The following TAFA1 variants were observed in gnomAD, a reference collection of about 807,000 sequenced individuals.
The protein encoded by TAFA1 is chemokine-like protein TAFA-1.
Under a neutral mutation model 18.5 loss-of-function variants are expected in TAFA1, and 4 were observed. The ratio of observed to expected loss-of-function variants is 0.22; its 90% CI spans 0.11 to 0.49. The LOEUF (loss-of-function observed/expected upper bound fraction) is 0.49, where lower values mean the gene tolerates loss of function less well. Among genes scored for constraint, TAFA1 ranks in the 20% least tolerant of loss-of-function variants. The pLI, the probability that TAFA1 is intolerant of heterozygous loss-of-function variation, is 0.98. For missense variants in TAFA1, 147 were observed against 169.0 expected (o/e 0.87, Z 0.72); for synonymous variants, 56 against 55.2 (o/e 1.01, Z -0.06).
At chr3:68,012,758 T>C (rs1025209727) in intron 2 of TAFA1, among the ~76,000 whole-genome samples, 1 of 152,006 alleles carries the variant, frequency 6.6e-6, no homozygotes, top group Non-Finnish European at 1.5e-5. Flanking sequence ...ACGTTTCCAG[T>C]TTAAGAAAAA....
chr3:68,223,485 T>C (rs1209208162), intron 2 of TAFA1, among the ~76,000 whole-genome samples: 3 of 152,138 alleles, frequency 2.0e-5, no homozygotes. Flanking sequence ...TGTGTGTATA[T>C]ATGTATGTAT....
At chr3:68,438,431 T>A (rs1382769794) in intron 3 of TAFA1, among the ~76,000 whole-genome samples, 1 of 152,152 alleles carries the variant, frequency 6.6e-6, no homozygotes, top group Non-Finnish European at 1.5e-5. Context: ...CCAGTTGTGG[T>A]TGGGCCCCCA....
At chr3:68,008,141 C>G (rs1575570790) in intron 2 of TAFA1, among the ~76,000 whole-genome samples, 1 of 152,224 alleles carries the variant, frequency 6.6e-6, no homozygotes, top group Non-Finnish European at 1.5e-5. Context: ...GCGCTGGTGC[C>G]CCTGCAGGTG....
chr3:68,168,281 G>A (rs1352690493), intron 2 of TAFA1, among the ~76,000 whole-genome samples: 1 of 152,090 alleles, frequency 6.6e-6, no homozygotes, highest in Admixed American at 6.6e-5. Flanking sequence ...ATGAATAAAT[G>A]TGTCTCTATG....
intron 2 of TAFA1, among the ~76,000 whole-genome samples, chr3:68,231,796 G>A (rs1292076052): frequency 6.6e-6 from 1 of 152,124 alleles, no homozygotes; most frequent in African/African-American, 2.4e-5. Flanking sequence ...CAGCTTTAGG[G>A]CCTTTCCATC....
chr3:68,477,152 A>G (rs2072114751), intron 3 of TAFA1, among the ~76,000 whole-genome samples: 1 of 152,000 alleles, frequency 6.6e-6, no homozygotes, highest in South Asian at 2.1e-4. Flanking sequence ...TAAATTATAC[A>G]ACACAATTAT....
chr3:68,320,733 T>G (rs1575775032), intron 2 of TAFA1, among the ~76,000 whole-genome samples: 1 of 152,200 alleles, frequency 6.6e-6, no homozygotes, highest in East Asian at 1.9e-4. Context: ...AAAACCATGT[T>G]CCAAAGATTC....
intron 2 of TAFA1, among the ~76,000 whole-genome samples, chr3:68,370,441 CAT>C (rs2069671564): frequency 1.9e-4 from 10 of 51,912 alleles, no homozygotes; most frequent in African/African-American, 7.7e-4. Context: ...CATATATATA[CAT>C]ATGTATATAT....
intron 3 of TAFA1, among the ~76,000 whole-genome samples, chr3:68,513,804 T>C (rs192508976): frequency 6.6e-6 from 1 of 152,358 alleles, no homozygotes; most frequent in Admixed American, 6.5e-5. Context: ...GCTGATAGTT[T>C]TGACTACCAT....
intron 4 of TAFA1, 28 bp downstream of exon 4, chr3:68,538,908 T>C (rs2073319849): frequency 6.2e-7 from 1 of 1,611,508 alleles, no homozygotes; most frequent in Non-Finnish European, 8.5e-7. Context: ...AAATGTATTT[T>C]GGATGTTACA....
intron 2 of TAFA1, among the ~76,000 whole-genome samples, chr3:68,043,045 C>T (rs752905414): frequency 1.1e-4 from 16 of 152,140 alleles, no homozygotes; most frequent in African/African-American, 2.9e-4. Flanking sequence ...CCACCATGCT[C>T]GGCTAATTTT....
chr3:67,996,802 A>C, the TAFA1 span, among the ~76,000 whole-genome samples: 2 of 47,044 alleles, frequency 4.3e-5, no homozygotes, highest in African/African-American at 1.4e-4. Context: ...TCAAAAAAAC[A>C]AAAATAAGAA....
intron 2 of TAFA1, among the ~76,000 whole-genome samples, chr3:68,222,732 C>G (rs889300927): frequency 6.6e-6 from 1 of 151,696 alleles, no homozygotes; most frequent in African/African-American, 2.4e-5. Context: ...ACTCTGTCAC[C>G]AGGCTGGAAT....
chr3:68,484,579 G>A (rs2072302619), intron 3 of TAFA1, among the ~76,000 whole-genome samples: 1 of 152,134 alleles, frequency 6.6e-6, no homozygotes, highest in Non-Finnish European at 1.5e-5. Flanking sequence ...TCAAAGCCTA[G>A]GAGAGAAAGA....
At chr3:68,369,934 C>T (rs907256270) in intron 2 of TAFA1, among the ~76,000 whole-genome samples, 2 of 152,000 alleles carry the variant, frequency 1.3e-5, no homozygotes, top group Non-Finnish European at 2.9e-5. Context: ...TTAAGGCACT[C>T]AGGAAGCTGA....
rs144845690 is a variant in TAFA1 at position 68,191,850 on chromosome 3, T to C, written c.118+185106T>C. The stretch of plus-strand genomic sequence containing the variant: ...GGAGGCCTGATTGATATAGTTATTA[T>C]CTAAGACGTGATTTGGTGGTGTTTT... On this transcript the variant is annotated intron_variant, in intron 2 of 4. Transcript: ENST00000478136. Among the ~76,000 whole-genome samples, 758 of 151,930 alleles carry C rather than the reference T, an allele frequency of 5.0e-3. 3 individuals carry two copies. Among genetic ancestry groups the C allele is most frequent in the Non-Finnish European group, 7.7e-3 (520 of 67,826 alleles).
intron 3 of TAFA1, among the ~76,000 whole-genome samples, chr3:68,475,266 A>C (rs4389487): frequency 0.24 from 37,074 of 151,600 alleles, 4,941 homozygotes; most frequent in East Asian, 0.49. Flanking sequence ...CTATTAACTC[A>C]TCATTTAGCA....
intron 2 of TAFA1, among the ~76,000 whole-genome samples, chr3:68,015,296 T>TG (rs1316701824): frequency 6.6e-6 from 1 of 151,542 alleles, no homozygotes; most frequent in Non-Finnish European, 1.5e-5. Flanking sequence ...TCTTTCCTTT[T>TG]TTTTTTTGAG....
At chr3:68,022,624 A>G (rs1188799528) in intron 2 of TAFA1, among the ~76,000 whole-genome samples, 1 of 152,010 alleles carries the variant, frequency 6.6e-6, no homozygotes, top group Non-Finnish European at 1.5e-5. Flanking sequence ...AGAAACTTAC[A>G]TTGTCTTTAG....
Sources: allele counts gnomAD v4.1 joint callset (sites outside exome capture counted in the v4.1 genomes callset), GRCh38; gene constraint gnomAD v4.1.1; transcripts MANE v1.5; gene names NCBI Gene and HGNC (gene_info 2026-07-23, HGNC 2026-07-21).